Variants in ARHGAP25 observed in about 807,000 individuals in gnomAD.
ARHGAP25 encodes the protein Rho GTPase activating protein 25, also known as rho GTPase-activating protein 25.
ARHGAP25 carries 34 observed loss-of-function variants against 71.0 expected under a neutral mutation model. The observed-to-expected ratio is 0.48, with a 90% CI of 0.36 to 0.64. The LOEUF (loss-of-function observed/expected upper bound fraction) is 0.64, where lower values mean the gene tolerates loss of function less well. Among genes scored for constraint, ARHGAP25 ranks in the 30% least tolerant of loss-of-function variants. ARHGAP25 has a pLI of 0.00. For missense variants in ARHGAP25, 706 were observed against 805.1 expected, an observed-to-expected ratio of 0.88 and a Z score of 1.49; for synonymous variants, 282 against 296.5, an observed-to-expected ratio of 0.95 and a Z score of 0.50.
At chr2:68,712,212 T>A (rs1674501982) in intron 2 of ARHGAP25, among the ~76,000 whole-genome samples, 1 of 152,236 alleles carries the variant, frequency 6.6e-6, no homozygotes, top group Non-Finnish European at 1.5e-5. Flanking sequence ...CCATTCTAAC[T>A]GGCGTGAGAT....
At chr2:68,718,530 AG>A (rs1674673776) in intron 2 of ARHGAP25, among the ~76,000 whole-genome samples, 1 of 151,134 alleles carries the variant, frequency 6.6e-6, no homozygotes, top group Non-Finnish European at 1.5e-5. Flanking sequence ...GAAATATATA[AG>A]TGTGTGTGTG....
chr2:68,799,976 G>A (rs964252422), intron 4 of ARHGAP25, among the ~76,000 whole-genome samples: 2 of 152,160 alleles, frequency 1.3e-5, no homozygotes, highest in African/African-American at 4.8e-5. Context: ...CTGGGCTGTG[G>A]CTTTCCTGCC....
chr2:68,812,488 T>C (rs1485206846), intron 5 of ARHGAP25, among the ~76,000 whole-genome samples: 1 of 152,208 alleles, frequency 6.6e-6, no homozygotes, highest in Non-Finnish European at 1.5e-5. Context: ...GCTGCCTGCC[T>C]CATGCCCTAA....
intron 4 of ARHGAP25, among the ~76,000 whole-genome samples, chr2:68,799,004 G>C (rs1158450424): frequency 6.6e-6 from 1 of 152,192 alleles, no homozygotes; most frequent in African/African-American, 2.4e-5. Flanking sequence ...TTGGGCTGGA[G>C]GTGGCAGATC....
intron 5 of ARHGAP25, 69 bp downstream of exon 5, chr2:68,807,549 C>A: frequency 6.8e-7 from 1 of 1,480,336 alleles, no homozygotes; most frequent in Non-Finnish European, 9.4e-7. Flanking sequence ...GAGGGCCTCT[C>A]CATTCCAGTT....
At chr2:68,773,344 G>A (rs1677613725) in intron 1 of ARHGAP25, among the ~76,000 whole-genome samples, 1 of 152,206 alleles carries the variant, frequency 6.6e-6, no homozygotes, top group Admixed American at 6.5e-5. Context: ...ATGAAATTCT[G>A]TCCTTTGCAG....
At chr2:68,756,282 C>T (rs1191987078) in intron 1 of ARHGAP25, among the ~76,000 whole-genome samples, 1 of 152,222 alleles carries the variant, frequency 6.6e-6, no homozygotes, top group African/African-American at 2.4e-5. Context: ...AAAAATGAAC[C>T]CTGTCCTACA....
chr2:68,791,467 G>A (rs1679169389), intron 4 of ARHGAP25, among the ~76,000 whole-genome samples: 1 of 151,848 alleles, frequency 6.6e-6, no homozygotes, highest in Non-Finnish European at 1.5e-5. Flanking sequence ...CAGTAAATGG[G>A]TTGTGTCCTC....
At chr2:68,798,525 A>AG (rs1679738212) in intron 4 of ARHGAP25, among the ~76,000 whole-genome samples, 1 of 151,744 alleles carries the variant, frequency 6.6e-6, no homozygotes, top group Admixed American at 6.6e-5. Flanking sequence ...GAGAAAAAAA[A>AG]AAAGCCAAAG....
At chr2:68,762,839 T>A (rs533571777) in intron 1 of ARHGAP25, among the ~76,000 whole-genome samples, 25 of 152,280 alleles carry the variant, frequency 1.6e-4, no homozygotes, top group African/African-American at 6.0e-4. Context: ...CTACAGTTGC[T>A]CACAGATACA....
intron 1 of ARHGAP25, among the ~76,000 whole-genome samples, chr2:68,743,067 T>C (rs1675602244): frequency 1.3e-5 from 2 of 152,362 alleles, no homozygotes; most frequent in South Asian, 4.1e-4. Flanking sequence ...GTAAGTTTCC[T>C]GCAGAATTCC....
At chr2:68,743,652 A>C (rs1470835415) in intron 1 of ARHGAP25, among the ~76,000 whole-genome samples, 1 of 152,138 alleles carries the variant, frequency 6.6e-6, no homozygotes, top group Non-Finnish European at 1.5e-5. Flanking sequence ...GCAGATGTAG[A>C]GTTGTCACCT....
At chr2:68,757,276 C>G (rs1026116534) in intron 1 of ARHGAP25, among the ~76,000 whole-genome samples, 7 of 151,954 alleles carry the variant, frequency 4.6e-5, no homozygotes, top group Non-Finnish European at 8.8e-5. Context: ...TGGAAAACTT[C>G]CCAAATTTGA....
intron 5 of ARHGAP25, among the ~76,000 whole-genome samples, chr2:68,809,738 C>T (rs764387507): frequency 6.6e-6 from 1 of 152,146 alleles, no homozygotes; most frequent in African/African-American, 2.4e-5. Flanking sequence ...CCCAACTTCA[C>T]GGCTGTGGGA....
intron 2 of ARHGAP25, among the ~76,000 whole-genome samples, chr2:68,727,028 TA>T (rs1356051946): frequency 1.3e-5 from 2 of 151,990 alleles, no homozygotes; most frequent in Non-Finnish European, 2.9e-5. Context: ...AAAATCCAAA[TA>T]AAAAAGATCT....
chr2:68,773,568 G>A (rs2104369843), intron 1 of ARHGAP25, among the ~76,000 whole-genome samples: 1 of 152,300 alleles, frequency 6.6e-6, no homozygotes, highest in South Asian at 2.1e-4. Flanking sequence ...CAATATTTGG[G>A]TGATGGATAC....
chr2:68,782,658 T>C (rs1678424012), intron 3 of ARHGAP25, among the ~76,000 whole-genome samples: 1 of 152,184 alleles, frequency 6.6e-6, no homozygotes, highest in Non-Finnish European at 1.5e-5. Flanking sequence ...ATGAACTCAT[T>C]GTAGAAGGAG....
At chr2:68,759,395 A>G (rs1461574662) in intron 1 of ARHGAP25, among the ~76,000 whole-genome samples, 1 of 151,848 alleles carries the variant, frequency 6.6e-6, no homozygotes, top group Non-Finnish European at 1.5e-5. Context: ...AATGAAAGTG[A>G]GGGTATTACC....
At chr2:68,784,936 G>A (rs1200375259) in intron 3 of ARHGAP25, among the ~76,000 whole-genome samples, 1 of 152,228 alleles carries the variant, frequency 6.6e-6, no homozygotes, top group East Asian at 1.9e-4. Flanking sequence ...CAGAGTTTGT[G>A]TTATTAAGAA....
Sources: allele counts gnomAD v4.1 joint callset (sites outside exome capture counted in the v4.1 genomes callset), GRCh38; gene constraint gnomAD v4.1.1; transcripts MANE v1.5; gene names NCBI Gene and HGNC (gene_info 2026-07-23, HGNC 2026-07-21).